Variants in GIGYF2 observed in about 807,000 individuals in gnomAD.
GIGYF2 encodes the protein GRB10-interacting GYF protein 2.
GIGYF2 carries 25 observed loss-of-function variants against 208.1 expected under a neutral mutation model. That is an observed-to-expected ratio of 0.12 (90% CI 0.09 to 0.17). The LOEUF is 0.17. GIGYF2 is among the 10% of genes least tolerant of loss of function. The pLI is 1.00. For missense variants in GIGYF2, 1,302 were observed against 1,579.4 expected, an observed-to-expected ratio of 0.82 and a Z score of 2.98; for synonymous variants, 534 against 543.8, an observed-to-expected ratio of 0.98 and a Z score of 0.25.
At chr2:232,830,524 C>G (rs1241180264) in intron 21 of GIGYF2, among the ~76,000 whole-genome samples, 1 of 152,140 alleles carries the variant, frequency 6.6e-6, no homozygotes, top group Non-Finnish European at 1.5e-5. Context: ...CATATTTCCC[C>G]TTGCACACAG....
At chr2:232,732,153 A>G (rs1697529488) in intron 2 of GIGYF2, among the ~76,000 whole-genome samples, 1 of 152,210 alleles carries the variant, frequency 6.6e-6, no homozygotes, top group African/African-American at 2.4e-5. Context: ...CTCTGTCATC[A>G]ATTTAAAATT....
At chr2:232,707,961 T>TA (rs923388877) in intron 2 of GIGYF2, among the ~76,000 whole-genome samples, 5 of 151,704 alleles carry the variant, frequency 3.3e-5, no homozygotes, top group Non-Finnish European at 5.9e-5. Context: ...TTTTTTTAAT[T>TA]AAAAAAAATA....
chr2:232,847,592 T>G (rs770577018), intron 27 of GIGYF2, 21 bp downstream of exon 27: 1 of 1,611,668 alleles, frequency 6.2e-7, no homozygotes, highest in Non-Finnish European at 8.5e-7. Flanking sequence ...GTGTGGTGTA[T>G]GCGGTACCTC....
Position 232,857,089 on chromosome 2 carries a change from G to T in GIGYF2, c.*229G>T, listed in dbSNP as rs947323628. The T allele has an allele frequency of 1.4e-5, 8 of 580,934 alleles. No homozygotes were observed. In the African/African-American group the frequency reaches 1.5e-4, roughly 11 times the overall value. 36.0% of individuals were successfully genotyped at this position (580,934 alleles called of 1,614,324 possible). A position where few individuals can be genotyped will look rare whatever the true frequency, so the allele number is the denominator to read the frequency against. On this transcript the variant is annotated 3_prime_UTR_variant, in exon 29 of 29. Coordinates refer to ENST00000373563, the MANE Select transcript of GIGYF2 (RefSeq NM_001103146.3). ...GTGGACTGGACCCTGTGTCTTGGGG[G>T]TGGCAGTTGGGATTACTCCCCAACA... is the stretch of plus-strand genomic sequence containing the variant.
At position 232,761,458 on chromosome 2, in the gene GIGYF2, A is replaced by T. The variant is rs779085572; in HGVS notation, c.532+22A>T. Reference sequence around the variant, plus strand: ...GTAGGTAAGGTTCTTACCTACACACATAAGGATAAATTTATTAAAAATTGA... The same window carrying T: ...GTAGGTAAGGTTCTTACCTACACACTTAAGGATAAATTTATTAAAAATTGA... On this transcript the variant is annotated intron_variant, in intron 8 of 28. Transcript: ENST00000373563. The T allele has an allele frequency of 2.7e-5, 39 of 1,441,830 alleles. 2 individuals carry two copies. In the South Asian group the frequency reaches 4.3e-4, roughly 16 times the overall value. The allele number at this position is 1,441,830 out of a possible 1,614,324, so 89.3% of individuals were successfully genotyped here.
At chr2:232,741,415 A>G (rs1353372952) in intron 3 of GIGYF2, among the ~76,000 whole-genome samples, 1 of 150,304 alleles carries the variant, frequency 6.7e-6, no homozygotes, top group African/African-American at 2.4e-5. Context: ...CCAGTGGCCT[A>G]CTGATGTTTC....
At chr2:232,846,234 C>A (rs1376832330) in intron 26 of GIGYF2, among the ~76,000 whole-genome samples, 2 of 152,176 alleles carry the variant, frequency 1.3e-5, no homozygotes, top group Admixed American at 6.5e-5. Flanking sequence ...GGACAAAGGT[C>A]AACCTGGACA....
chr2:232,839,719 A>G (rs186786871), intron 22 of GIGYF2, 130 bp from the exon 23 acceptor site: 1 of 961,474 alleles, frequency 1.0e-6, no homozygotes, highest in East Asian at 2.4e-5. Context: ...TGAAGAAGGA[A>G]ATTTGAATTG....
intron 22 of GIGYF2, among the ~76,000 whole-genome samples, chr2:232,833,709 G>A (rs570595224): frequency 3.3e-5 from 5 of 152,302 alleles, no homozygotes; most frequent in Non-Finnish European, 5.9e-5. Context: ...AATGAGACAA[G>A]GCAGTTGCTC....
At chr2:232,856,709 G>T in intron 28 of GIGYF2, 84 bp from the exon 29 acceptor site, 2 of 867,034 alleles carry the variant, frequency 2.3e-6, no homozygotes, top group South Asian at 2.6e-5. Flanking sequence ...AACAAACACA[G>T]ACTTACATTC....
intron 8 of GIGYF2, among the ~76,000 whole-genome samples, chr2:232,773,837 C>T (rs1399138249): frequency 6.8e-6 from 1 of 147,622 alleles, no homozygotes; most frequent in Non-Finnish European, 1.5e-5. Context: ...TTCGGGAGGC[C>T]GAGACAGGAG....
At chr2:232,764,027 A>G (rs1345493971) in intron 8 of GIGYF2, among the ~76,000 whole-genome samples, 1 of 152,198 alleles carries the variant, frequency 6.6e-6, no homozygotes, top group African/African-American at 2.4e-5. Context: ...CTAGGTGCAA[A>G]ATATTTCTTT....
rs1690616242 is a variant in GIGYF2, at chr2:232,857,338, C to T, written c.*478C>T. 9.6e-6 allele frequency: 2 copies of T among 209,146 alleles called. No homozygotes were observed. Among genetic ancestry groups the T allele is most frequent in the African/African-American group, 4.7e-5 (2 of 42,782 alleles). The allele number at this position is 209,146 out of a possible 1,614,324, so 13.0% of individuals were successfully genotyped here. ...AGACATTGGCCAATAACAAAACACC[C>T]CATGGACTGTGACTCGAGTATCCAA... On this transcript the variant is annotated 3_prime_UTR_variant, in exon 29 of 29. Transcript: ENST00000373563.
intron 14 of GIGYF2, among the ~76,000 whole-genome samples, chr2:232,801,389 G>C (rs1700395094): frequency 2.6e-5 from 4 of 152,104 alleles, no homozygotes; most frequent in Admixed American, 2.6e-4. Flanking sequence ...GCCAGGCATG[G>C]TGGTATGCAC....
intron 8 of GIGYF2, chr2:232,764,679 G>C (rs957770097): frequency 1.3e-5 from 2 of 152,202 alleles, no homozygotes; most frequent in Non-Finnish European, 2.9e-5. Flanking sequence ...AAGGTTCAAG[G>C]GGGCAGGTAT....
chr2:232,815,550 G>A (rs2106390180), intron 18 of GIGYF2, 87 bp from the exon 19 acceptor site: 2 of 783,496 alleles, frequency 2.6e-6, no homozygotes, highest in Middle Eastern at 2.3e-4. Context: ...TAGGCACAGG[G>A]AAGCAGCTTT....
At chr2:232,856,309 TAAA>T (rs767062137) in intron 28 of GIGYF2, among the ~76,000 whole-genome samples, 3 of 151,958 alleles carry the variant, frequency 2.0e-5, no homozygotes, top group Non-Finnish European at 2.9e-5. Flanking sequence ...CTTAAGAAAA[TAAA>T]AAATCTCTCT....
intron 14 of GIGYF2, among the ~76,000 whole-genome samples, chr2:232,801,812 A>G (rs1213880373): frequency 6.6e-6 from 1 of 152,208 alleles, no homozygotes; most frequent in Non-Finnish European, 1.5e-5. Flanking sequence ...TTTCTGCAGC[A>G]AGCTTCATTG....
At chr2:232,784,386 C>CTTTTTTCTTTTT (rs1699831861) in intron 8 of GIGYF2, among the ~76,000 whole-genome samples, 1 of 92,312 alleles carries the variant, frequency 1.1e-5, no homozygotes. Context: ...GAAATAATTT[C>CTTTTTTCTTTTT]TTTTTTTTTT....
Sources: allele counts gnomAD v4.1 joint callset (sites outside exome capture counted in the v4.1 genomes callset), GRCh38; gene constraint gnomAD v4.1.1; transcripts MANE v1.5; gene names NCBI Gene and HGNC (gene_info 2026-07-23, HGNC 2026-07-21).